HLCS: variants seen among roughly 807,000 people sequenced by gnomAD.
The protein encoded by HLCS is biotin--protein ligase.
Under a neutral mutation model 75.0 loss-of-function variants are expected in HLCS, and 53 were observed. The ratio of observed to expected loss-of-function variants is 0.71; its 90% CI spans 0.57 to 0.89. The LOEUF is 0.89. HLCS is among the 40% of genes least tolerant of loss of function. HLCS has a pLI of 0.00. For synonymous variants in HLCS, 431 were observed against 428.6 expected (o/e 1.01, Z -0.07); for missense variants, 966 against 1,074.0 (o/e 0.90, Z 1.41).
chr21:36,791,741 C>T lies in HLCS; in HGVS notation c.1893-24456G>A, dbSNP rs577969844. On this transcript the variant is annotated intron_variant, in intron 6 of 10. Transcript: ENST00000674895. The stretch of plus-strand genomic sequence containing the variant: ...TCGAGGGCCACGGAAGCGGGTGCCA[C>T]GGGGCTGCATGGAATGCGGCTGCTC... 1.2e-4 allele frequency among the ~76,000 whole-genome samples: 18 copies of T among 152,164 alleles called. No homozygotes were observed. In the South Asian group the frequency reaches 3.3e-3, roughly 28 times the overall value.
chr21:36,870,821 A>G (rs895962409), intron 6 of HLCS, among the ~76,000 whole-genome samples: 1 of 152,228 alleles, frequency 6.6e-6, no homozygotes, highest in East Asian at 1.9e-4. Flanking sequence ...GTCTGGTCCA[A>G]CTGTTTTAAA....
At chr21:36,804,958 T>C (rs192377669) in intron 6 of HLCS, among the ~76,000 whole-genome samples, 1 of 152,244 alleles carries the variant, frequency 6.6e-6, no homozygotes, top group Admixed American at 6.5e-5. Flanking sequence ...CTCTCCATGG[T>C]TCCCTCTTAA....
intron 6 of HLCS, among the ~76,000 whole-genome samples, chr21:36,827,414 C>CAA (rs1173480388): frequency 3.4e-5 from 5 of 147,018 alleles, no homozygotes; most frequent in African/African-American, 1.2e-4. Context: ...ACTAAAAATA[C>CAA]AAAAAAAAAA....
chr21:36,788,100 T>G (rs2060747152), intron 6 of HLCS, among the ~76,000 whole-genome samples: 2 of 152,186 alleles, frequency 1.3e-5, no homozygotes, highest in South Asian at 4.1e-4. Context: ...CACAAAAGAT[T>G]AAAACCAAGA....
intron 6 of HLCS, among the ~76,000 whole-genome samples, chr21:36,884,138 C>A (rs1341079565): frequency 6.6e-6 from 1 of 152,166 alleles, no homozygotes; most frequent in Non-Finnish European, 1.5e-5. Context: ...TTATTTATAT[C>A]CCCTTGTTAT....
chr21:36,823,645 G>GTGTGTGTGTGTGTGTGTGTGTA (rs1347977458), intron 6 of HLCS, among the ~76,000 whole-genome samples: 4 of 151,302 alleles, frequency 2.6e-5, no homozygotes, highest in African/African-American at 9.8e-5. Context: ...GTGTGTGTGT[G>GTGTGTGTGTGTGTGTGTGTGTA]TGTACACATG....
intron 6 of HLCS, among the ~76,000 whole-genome samples, chr21:36,821,155 G>A (rs1211992529): frequency 1.3e-5 from 2 of 152,214 alleles, no homozygotes; most frequent in Admixed American, 1.3e-4. Context: ...CTGGGAGACA[G>A]TCCACTTGGG....
chr21:36,781,674 C>T (rs9979967), intron 6 of HLCS, among the ~76,000 whole-genome samples: 44,773 of 152,008 alleles, frequency 0.29, 7,300 homozygotes, highest in Middle Eastern at 0.52. Context: ...GATAGTTTTA[C>T]TTCTTTTTCA....
At chr21:36,903,796 T>C (rs563791453) in intron 5 of HLCS, among the ~76,000 whole-genome samples, 1 of 152,344 alleles carries the variant, frequency 6.6e-6, no homozygotes, top group South Asian at 2.1e-4. Flanking sequence ...AGTTTGAATC[T>C]GTCCTCCAAA....
intron 6 of HLCS, among the ~76,000 whole-genome samples, chr21:36,821,883 G>C (rs2061852778): frequency 1.3e-5 from 2 of 152,094 alleles, no homozygotes; most frequent in South Asian, 4.1e-4. Context: ...AAAGGGAAGG[G>C]AGGGAAGGAA....
intron 5 of HLCS, 122 bp from the exon 6 acceptor site, chr21:36,897,253 T>C: frequency 1.1e-6 from 1 of 893,772 alleles, no homozygotes; most frequent in Non-Finnish European, 1.8e-6. Flanking sequence ...CAAGAAAAGC[T>C]AGATTAACAT....
chr21:36,784,331 T>TA (rs1392520574), intron 6 of HLCS, among the ~76,000 whole-genome samples: 1 of 129,200 alleles, frequency 7.7e-6, no homozygotes, highest in Non-Finnish European at 1.7e-5. Context: ...TTTTTTTTTT[T>TA]AATGAGACAG....
intron 6 of HLCS, among the ~76,000 whole-genome samples, chr21:36,800,947 T>C (rs2061180073): frequency 6.6e-6 from 1 of 152,002 alleles, no homozygotes; most frequent in African/African-American, 2.4e-5. Flanking sequence ...AGGAAAGAGA[T>C]GAGATGACAA....
intron 6 of HLCS, among the ~76,000 whole-genome samples, chr21:36,789,823 C>T (rs1202730160): frequency 1.3e-5 from 2 of 152,172 alleles, no homozygotes; most frequent in Admixed American, 1.3e-4. Context: ...CTGTATCTTG[C>T]CATAGTCTTT....
chr21:36,856,886 CACAGACAT>C (rs1353949415), intron 6 of HLCS, among the ~76,000 whole-genome samples: 6 of 152,184 alleles, frequency 3.9e-5, no homozygotes, highest in Non-Finnish European at 8.8e-5. Flanking sequence ...CACACACACA[CACAGACAT>C]ACATACAAGG....
At chr21:36,793,967 A>G (rs2060951305) in intron 6 of HLCS, among the ~76,000 whole-genome samples, 1 of 152,222 alleles carries the variant, frequency 6.6e-6, no homozygotes, top group South Asian at 2.1e-4. Context: ...ACAGCTGTTT[A>G]GAAGCCTCAG....
At chr21:36,780,192 C>T (rs1185483169) in intron 6 of HLCS, among the ~76,000 whole-genome samples, 6 of 152,080 alleles carry the variant, frequency 3.9e-5, no homozygotes, top group East Asian at 1.9e-4. Context: ...GGAGCTGAGG[C>T]GGTGTTGCTA....
At chr21:36,906,518 C>T (rs892937202) in intron 5 of HLCS, among the ~76,000 whole-genome samples, 3 of 152,052 alleles carry the variant, frequency 2.0e-5, no homozygotes, top group African/African-American at 4.8e-5. Context: ...AGCGACAGAG[C>T]GAGACCCCAT....
intron 6 of HLCS, among the ~76,000 whole-genome samples, chr21:36,796,548 G>A (rs890111488): frequency 4.6e-5 from 7 of 152,128 alleles, no homozygotes; most frequent in African/African-American, 1.7e-4. Context: ...GAGCTGTGAG[G>A]AACCAGGACT....
Sources: gnomAD v4.1 joint callset for allele counts (sites outside exome capture counted in the v4.1 genomes callset) on GRCh38, gnomAD v4.1.1 for gene constraint, MANE v1.5 for transcripts, NCBI Gene and HGNC (gene_info 2026-07-23, HGNC 2026-07-21) for gene names.